IFT25: variants seen among roughly 807,000 people sequenced by gnomAD.
IFT25 encodes the protein intraflagellar transport 25, also known as intraflagellar transport protein 25 homolog.
the IFT25 span, among the ~76,000 whole-genome samples, chr1:53,938,736 T>C: frequency 6.6e-6 from 1 of 152,100 alleles, no homozygotes; most frequent in African/African-American, 2.4e-5. Context: ...ATTGTACATA[T>C]ACCAAGAAAG....
chr1:53,918,125 C>T, the IFT25 span, among the ~76,000 whole-genome samples: 1 of 152,184 alleles, frequency 6.6e-6, no homozygotes, highest in Non-Finnish European at 1.5e-5. Context: ...TTTCTTACTC[C>T]TCCTACATAC....
chr1:53,930,183 A>G, the IFT25 span: 3 of 1,515,328 alleles, frequency 2.0e-6, no homozygotes, highest in South Asian at 4.0e-5. Context: ...GAATAGCCAA[A>G]TATAAATGGT....
chr1:53,937,696 T>C, the IFT25 span, among the ~76,000 whole-genome samples: 3 of 152,280 alleles, frequency 2.0e-5, no homozygotes, highest in South Asian at 6.2e-4. Context: ...ATCACCAAAG[T>C]AGTGCAGGGT....
chr1:53,941,620 T>C, the IFT25 span, among the ~76,000 whole-genome samples: 2 of 152,338 alleles, frequency 1.3e-5, no homozygotes, highest in South Asian at 4.1e-4. Flanking sequence ...ATGAACATTG[T>C]CAAGCCTTAG....
chr1:53,921,783 A>G, the IFT25 span: 1 of 1,498,598 alleles, frequency 6.7e-7, no homozygotes, highest in Non-Finnish European at 9.3e-7. Flanking sequence ...TGGGAAAAAA[A>G]TCAATATAAA....
the IFT25 span, among the ~76,000 whole-genome samples, chr1:53,934,738 C>G: frequency 2.6e-5 from 4 of 152,172 alleles, no homozygotes; most frequent in African/African-American, 9.7e-5. Flanking sequence ...TTAGCACATG[C>G]CTGTAATCCA....
chr1:53,913,275 C>T, the IFT25 span, among the ~76,000 whole-genome samples: 1 of 152,182 alleles, frequency 6.6e-6, no homozygotes, highest in Non-Finnish European at 1.5e-5. Flanking sequence ...GGCTAGACTT[C>T]AGCAGAAGCC....
the IFT25 span, among the ~76,000 whole-genome samples, chr1:53,945,146 G>C: frequency 3.9e-5 from 6 of 152,152 alleles, no homozygotes; most frequent in African/African-American, 1.4e-4. Context: ...AGGCCCTAAA[G>C]CCTCAGACTT....
the IFT25 span, among the ~76,000 whole-genome samples, chr1:53,919,796 CTT>C: frequency 1.4e-5 from 2 of 145,534 alleles, no homozygotes; most frequent in African/African-American, 2.5e-5. Context: ...AACTTTTTTC[CTT>C]TTTTTTTTTG....
the IFT25 span, among the ~76,000 whole-genome samples, chr1:53,926,729 T>C: frequency 6.6e-6 from 1 of 151,952 alleles, no homozygotes; most frequent in African/African-American, 2.4e-5. Flanking sequence ...TAGATTTTTT[T>C]TTTTTTTTAA....
At chr1:53,930,114 T>C in the IFT25 span, 1 of 1,571,412 alleles carries the variant, frequency 6.4e-7, no homozygotes. Context: ...TGGGGAAACA[T>C]TCCTGTGGTG....
the IFT25 span, among the ~76,000 whole-genome samples, chr1:53,938,872 C>T: frequency 1.3e-4 from 20 of 152,052 alleles, no homozygotes; most frequent in African/African-American, 3.4e-4. Context: ...GTCGGGAGTT[C>T]GAAACCAGCC....
chr1:53,938,375 A>G, the IFT25 span, among the ~76,000 whole-genome samples: 1,068 of 152,310 alleles, frequency 7.0e-3, 13 homozygotes, highest in African/African-American at 0.025. Flanking sequence ...TTAAAAATAA[A>G]CACTACAATA....
the IFT25 span, among the ~76,000 whole-genome samples, chr1:53,915,785 A>G: frequency 6.6e-6 from 1 of 152,196 alleles, no homozygotes; most frequent in African/African-American, 2.4e-5. Context: ...CAAAGGCCTC[A>G]ATACATAGTA....
chr1:53,932,980 G>A, the IFT25 span, among the ~76,000 whole-genome samples: 1 of 152,062 alleles, frequency 6.6e-6, no homozygotes, highest in Non-Finnish European at 1.5e-5. Flanking sequence ...CTGCCAAATT[G>A]TTCTATCATT....
chr1:53,937,599 T>G, the IFT25 span, among the ~76,000 whole-genome samples: 1 of 152,218 alleles, frequency 6.6e-6, no homozygotes, highest in Admixed American at 6.5e-5. Context: ...TTCATCAAGA[T>G]GGACAGAGCC....
the IFT25 span, among the ~76,000 whole-genome samples, chr1:53,922,171 G>C: frequency 6.6e-6 from 1 of 152,152 alleles, no homozygotes; most frequent in Admixed American, 6.5e-5. Flanking sequence ...GAGGCCGACA[G>C]ATCACCTGAG....
At chr1:53,925,721 TA>T in the IFT25 span, among the ~76,000 whole-genome samples, 1 of 149,964 alleles carries the variant, frequency 6.7e-6, no homozygotes, top group Non-Finnish European at 1.5e-5. Context: ...GGAGAGAACA[TA>T]AAAAAACTCC....
At chr1:53,928,930 T>A in the IFT25 span, 1 of 153,944 alleles carries the variant, frequency 6.5e-6, no homozygotes, top group Non-Finnish European at 1.4e-5. Flanking sequence ...ACTTTAGGTA[T>A]GACTCTAGAA....
Sources: allele counts gnomAD v4.1 joint callset (sites outside exome capture counted in the v4.1 genomes callset), GRCh38; gene constraint gnomAD v4.1.1; transcripts MANE v1.5; gene names NCBI Gene and HGNC (gene_info 2026-07-23, HGNC 2026-07-21).